Variants in RP1 observed in about 807,000 individuals in gnomAD.
RP1 encodes the protein RP1 axonemal microtubule associated.
Under a neutral mutation model 14.8 loss-of-function variants are expected in RP1, and 16 were observed. The observed-to-expected ratio is 1.08, with a 90% CI of 0.73 to 1.65. The LOEUF is 1.65. Among genes scored for constraint, RP1 ranks in the 40% most tolerant of loss-of-function variants. The pLI is 0.00. For missense variants in RP1, 2,631 were observed against 2,535.0 expected, an observed-to-expected ratio of 1.04 and a Z score of -0.81; for synonymous variants, 876 against 883.6, an observed-to-expected ratio of 0.99 and a Z score of 0.15.
At chr8:54,844,730 C>A (rs1029307424) in intron 25 of RP1, among the ~76,000 whole-genome samples, 28 of 152,162 alleles carry the variant, frequency 1.8e-4, no homozygotes, top group African/African-American at 6.5e-4. Context: ...CAGGAGTCTG[C>A]AACATTAGGG....
chr8:54,563,584 C>T (rs974028442), intron 1 of RP1, among the ~76,000 whole-genome samples: 3 of 152,016 alleles, frequency 2.0e-5, no homozygotes, highest in East Asian at 3.9e-4. Context: ...GGTCTTGTTC[C>T]TCCCAGGCTG....
chr8:54,630,333 A>G lies in RP1; in HGVS notation c.6451A>G (p.Arg2151Gly), dbSNP rs963081420. 6.2e-7 allele frequency: 1 copy of G among 1,613,646 alleles called. No individual in the cohort carries two copies. The highest frequency in any genetic ancestry group is 1.3e-5 in the African/African-American group (1 of 74,934). Residue 2151 changes from arginine (R) to glycine (G), a missense_variant, in exon 4 of 4, where the codon AGA becomes GGA. Transcript: ENST00000220676. ...AAATTTAACTGATCTTGAAAGCAGT[A>G]GAGAACAAGAAGATTTATAATTTCA... ...ILNLTDLESS[R>G]EQEDL
intron 25 of RP1, among the ~76,000 whole-genome samples, chr8:54,846,884 T>C (rs952116481): frequency 6.6e-6 from 1 of 152,262 alleles, no homozygotes; most frequent in African/African-American, 2.4e-5. Flanking sequence ...GAAGCACACA[T>C]CACACCACAG....
chr8:54,779,552 G>A (rs7843693), intron 23 of RP1, among the ~76,000 whole-genome samples: 65,595 of 151,966 alleles, frequency 0.43, 14,675 homozygotes, highest in African/African-American at 0.54. Context: ...TCAAATGCAT[G>A]TAACCCTGTA....
chr8:54,841,887 T>C (rs762268280), intron 25 of RP1, among the ~76,000 whole-genome samples: 2 of 152,128 alleles, frequency 1.3e-5, no homozygotes, highest in African/African-American at 2.4e-5. Context: ...GGTGAAGAAA[T>C]GTTTGATGCC....
intron 24 of RP1, among the ~76,000 whole-genome samples, chr8:54,829,000 C>T (rs1811457669): frequency 6.8e-6 from 1 of 146,132 alleles, no homozygotes; most frequent in African/African-American, 2.5e-5. Flanking sequence ...TCAAGCGATT[C>T]TCCCGCCTCA....
At chr8:54,864,349 T>G (rs1167142409) in intron 27 of RP1, among the ~76,000 whole-genome samples, 4 of 152,204 alleles carry the variant, frequency 2.6e-5, no homozygotes, top group African/African-American at 9.6e-5. Flanking sequence ...CAAAAGATGC[T>G]TCCTCTGTAT....
intron 25 of RP1, among the ~76,000 whole-genome samples, chr8:54,848,156 T>G (rs933507692): frequency 6.6e-6 from 1 of 152,220 alleles, no homozygotes; most frequent in Admixed American, 6.5e-5. Context: ...CTCAGATATC[T>G]GGTGCAGGCA....
chr8:54,756,831 T>C (rs1429875526), intron 21 of RP1, among the ~76,000 whole-genome samples: 1 of 152,206 alleles, frequency 6.6e-6, no homozygotes, highest in Non-Finnish European at 1.5e-5. Flanking sequence ...TGCTGTATCA[T>C]GGGACGTTAC....
intron 24 of RP1, among the ~76,000 whole-genome samples, chr8:54,824,913 C>A (rs569887082): frequency 6.6e-6 from 1 of 151,992 alleles, no homozygotes; most frequent in Admixed American, 6.6e-5. Flanking sequence ...ATCAACTTGA[C>A]AAAGAGCATC....
intron 1 of RP1, 115 bp downstream of exon 1, chr8:54,616,317 G>C (rs935758776): frequency 1.3e-5 from 2 of 152,056 alleles, no homozygotes; most frequent in African/African-American, 4.8e-5. Flanking sequence ...TTAACTGTTA[G>C]AAAAAGCATA....
rs556422196 is a variant in RP1, at chr8:54,569,243, G to T, written c.-13+9923G>T. 2.6e-5 allele frequency among the ~76,000 whole-genome samples: 4 copies of T among 152,322 alleles called. 1 individual carries two copies. The South Asian group carries it at 8.3e-4, about 32-fold the overall frequency. ...CACACAAAGACCAGGCCACCTGTCTGCCCACTCTGACCGAGAGGCCTTCTC... is the reference window on the plus strand; with the variant it reads ...CACACAAAGACCAGGCCACCTGTCTTCCCACTCTGACCGAGAGGCCTTCTC... On this transcript the variant is annotated intron_variant, in intron 1 of 22. Coordinates refer to the RP1 transcript ENST00000636932.
chr8:54,608,304 C>G (rs2129308668), intron 1 of RP1, among the ~76,000 whole-genome samples: 1 of 151,602 alleles, frequency 6.6e-6, no homozygotes, highest in East Asian at 1.9e-4. Flanking sequence ...GAATCATCCA[C>G]TTTAAATGGG....
chr8:54,606,258 C>T (rs930998693), intron 1 of RP1, among the ~76,000 whole-genome samples: 12 of 152,170 alleles, frequency 7.9e-5, no homozygotes, highest in East Asian at 1.9e-4. Context: ...AATCTCTCAG[C>T]GTTTGCTCAT....
rs1393659804 is a variant in RP1 at position 54,583,730 on chromosome 8, A to C, written c.-13+24410A>C. Among the ~76,000 whole-genome samples, 7 of 152,064 alleles carry C rather than the reference A, an allele frequency of 4.6e-5. No homozygotes were observed. The East Asian group carries it at 1.3e-3, about 29-fold the overall frequency. ...AACTTCTTCCTGGTTTAGTCTTGGG[A>C]GGGTGTATGTGTTGAGGAATTTATC... On this transcript the variant is annotated intron_variant, in intron 1 of 22. Transcript: ENST00000636932.
chr8:54,592,277 G>A (rs1039102828), intron 1 of RP1, among the ~76,000 whole-genome samples: 1 of 152,188 alleles, frequency 6.6e-6, no homozygotes, highest in Non-Finnish European at 1.5e-5. Context: ...TGCAATTTGG[G>A]AGAGAGCAAG....
chr8:54,584,941 T>C, intron 1 of RP1, among the ~76,000 whole-genome samples: 1 of 152,216 alleles, frequency 6.6e-6, no homozygotes, highest in East Asian at 1.9e-4. Flanking sequence ...TGATGAGTCT[T>C]GACTCTTTAT....
At chr8:54,846,138 G>A (rs1257222573) in intron 25 of RP1, among the ~76,000 whole-genome samples, 1 of 152,172 alleles carries the variant, frequency 6.6e-6, no homozygotes, top group Non-Finnish European at 1.5e-5. Context: ...AAGAATATGA[G>A]ATGACCGTTA....
At chr8:54,577,947 C>CTT (rs11377826) in intron 1 of RP1, among the ~76,000 whole-genome samples, 23 of 150,382 alleles carry the variant, frequency 1.5e-4, no homozygotes, top group Non-Finnish European at 2.2e-4. Flanking sequence ...CAAACATTTT[C>CTT]TTTTTTTTTT....
Sources: gnomAD v4.1 joint callset for allele counts (sites outside exome capture counted in the v4.1 genomes callset) on GRCh38, gnomAD v4.1.1 for gene constraint, MANE v1.5 for transcripts, NCBI Gene and HGNC (gene_info 2026-07-23, HGNC 2026-07-21) for gene names.